The following CEP83 variants were observed in gnomAD, a reference collection of about 807,000 sequenced individuals.
The protein encoded by CEP83 is centrosomal protein 83, also known as centrosomal protein of 83 kDa.
In CEP83, 70 loss-of-function variants were observed where a neutral mutation model predicts 101.9. That is an observed-to-expected ratio of 0.69 (90% confidence interval 0.57 to 0.84). CEP83 has a LOEUF of 0.84. CEP83 is among the 40% of genes least tolerant of loss of function. CEP83 has a pLI of 0.00. For synonymous variants in CEP83, 264 were observed against 267.9 expected (o/e 0.99, Z 0.14); for missense variants, 715 against 787.2 (o/e 0.91, Z 1.10).
At chr12:94,406,044 T>TA (rs1440678247) in intron 4 of CEP83, among the ~76,000 whole-genome samples, 1 of 152,176 alleles carries the variant, frequency 6.6e-6, no homozygotes, top group Non-Finnish European at 1.5e-5. Context: ...AAAAACAGAT[T>TA]AAAATCCTTT....
At chr12:94,348,567 A>T (rs1043305466) in intron 11 of CEP83, among the ~76,000 whole-genome samples, 1 of 152,084 alleles carries the variant, frequency 6.6e-6, no homozygotes, top group African/African-American at 2.4e-5. Flanking sequence ...GGCAATGACC[A>T]CCTCAGTGGC....
the CEP83 span, chr12:94,282,864 T>A: frequency 2.9e-4 from 46 of 156,234 alleles, no homozygotes; most frequent in South Asian, 8.4e-3. Context: ...GTTTGCAATA[T>A]TGAGCGATAC....
Position 94,310,008 on chromosome 12 carries a change from G to A in CEP83, c.1911C>T (p.Asn637=). ...NEFRSLILVP[N]MPPTASINPV... ...GATTGATAGATGCTGTTGGAGGCAT[G>A]TTAGGAACCAAAATTAGACTTCGAA... The change falls in exon 16 of 17, where the codon AAC becomes AAT. Residue 637 remains asparagine, a synonymous_variant. Coordinates refer to ENST00000397809, the MANE Select transcript of CEP83 (RefSeq NM_016122.3). The A allele has an allele frequency of 6.2e-7, 1 of 1,612,354 alleles. No individual in the cohort carries two copies.
At chr12:94,432,764 GATAA>G (rs1333176482) in intron 2 of CEP83, among the ~76,000 whole-genome samples, 2 of 152,102 alleles carry the variant, frequency 1.3e-5, no homozygotes, top group East Asian at 1.9e-4. Flanking sequence ...CAACATAAAT[GATAA>G]ATACTCAAGG....
At chr12:94,450,101 T>C (rs563734911) in intron 1 of CEP83, among the ~76,000 whole-genome samples, 3 of 152,278 alleles carry the variant, frequency 2.0e-5, no homozygotes, top group South Asian at 2.1e-4. Flanking sequence ...CTGGGAGTAA[T>C]GCAATGCACA....
intron 1 of CEP83, among the ~76,000 whole-genome samples, chr12:94,449,660 C>G (rs940695768): frequency 1.2e-4 from 18 of 150,402 alleles, no homozygotes; most frequent in Non-Finnish European, 2.4e-4. Context: ...GTAGCCCCAG[C>G]CACTTGGGAG....
intron 4 of CEP83, among the ~76,000 whole-genome samples, chr12:94,409,470 T>C (rs2063747900): frequency 6.6e-6 from 1 of 152,156 alleles, no homozygotes; most frequent in Admixed American, 6.6e-5. Flanking sequence ...ATGTTTAACA[T>C]ACTTTAATCT....
chr12:94,403,877 T>C (rs560363255), intron 4 of CEP83, among the ~76,000 whole-genome samples: 1 of 107,344 alleles, frequency 9.3e-6, no homozygotes, highest in Non-Finnish European at 2.0e-5. Context: ...CAAATACTAG[T>C]TGTAAAAAAA....
chr12:94,393,963 C>T (rs927812531), intron 6 of CEP83, among the ~76,000 whole-genome samples: 2 of 151,938 alleles, frequency 1.3e-5, no homozygotes, highest in African/African-American at 2.4e-5. Context: ...CACTGCTCAA[C>T]GAAATAAAAG....
chr12:94,319,623 C>T (rs980393333), intron 14 of CEP83, among the ~76,000 whole-genome samples: 17 of 152,080 alleles, frequency 1.1e-4, no homozygotes, highest in African/African-American at 4.1e-4. Flanking sequence ...TAATTTCATT[C>T]TTTACTCAAA....
chr12:94,367,674 T>C, intron 11 of CEP83, 120 bp downstream of exon 11: 1 of 534,448 alleles, frequency 1.9e-6, no homozygotes, highest in Middle Eastern at 4.0e-4. Flanking sequence ...ACATAGGTAT[T>C]TGTATTTGGG....
intron 6 of CEP83, among the ~76,000 whole-genome samples, chr12:94,397,664 A>C (rs2062986741): frequency 6.6e-6 from 1 of 152,206 alleles, no homozygotes; most frequent in Admixed American, 6.5e-5. Flanking sequence ...AGAGAATACA[A>C]ATAATCCTTA....
At chr12:94,312,836 A>C (rs779451962) in intron 15 of CEP83, 78 bp downstream of exon 15, 28 of 1,245,106 alleles carry the variant, frequency 2.2e-5, no homozygotes, top group Non-Finnish European at 3.0e-5. Context: ...AAAGAAAAGA[A>C]GGTACGTTAT....
At chr12:94,396,733 T>C (rs768926811) in intron 6 of CEP83, among the ~76,000 whole-genome samples, 6 of 152,280 alleles carry the variant, frequency 3.9e-5, no homozygotes, top group Non-Finnish European at 8.8e-5. Context: ...AGTATTCCCC[T>C]AAGAACCAAC....
At chr12:94,458,332 G>C (rs2067851458) in intron 1 of CEP83, among the ~76,000 whole-genome samples, 2 of 152,172 alleles carry the variant, frequency 1.3e-5, no homozygotes, top group African/African-American at 4.8e-5. Flanking sequence ...ATCTGATCTG[G>C]AAAGAAAACA....
At chr12:94,417,567 T>C (rs1244635487) in intron 2 of CEP83, among the ~76,000 whole-genome samples, 1 of 152,074 alleles carries the variant, frequency 6.6e-6, no homozygotes, top group African/African-American at 2.4e-5. Flanking sequence ...GGCAGGTGGA[T>C]CACCTGAGGT....
chr12:94,391,548 T>C (rs2062535559), intron 6 of CEP83, among the ~76,000 whole-genome samples: 3 of 152,158 alleles, frequency 2.0e-5, no homozygotes. Flanking sequence ...AGACCATCGA[T>C]GCTATGAAGA....
chr12:94,269,790 C>T, the CEP83 span, among the ~76,000 whole-genome samples: 1 of 152,140 alleles, frequency 6.6e-6, no homozygotes, highest in Admixed American at 6.5e-5. Context: ...TTATGACTTG[C>T]AATAGTACTG....
At chr12:94,373,069 T>G (rs1331267272) in intron 8 of CEP83, among the ~76,000 whole-genome samples, 1 of 152,216 alleles carries the variant, frequency 6.6e-6, no homozygotes, top group Non-Finnish European at 1.5e-5. Context: ...TGCCCCTAGA[T>G]CCTTGGTTCT....
Sources: gnomAD v4.1 joint callset for allele counts (sites outside exome capture counted in the v4.1 genomes callset) on GRCh38, gnomAD v4.1.1 for gene constraint, MANE v1.5 for transcripts, NCBI Gene and HGNC (gene_info 2026-07-23, HGNC 2026-07-21) for gene names.